PLPPR1: variants seen among roughly 807,000 people sequenced by gnomAD.
PLPPR1 encodes the protein phospholipid phosphatase-related protein type 1.
PLPPR1 carries 10 observed loss-of-function variants against 33.1 expected under a neutral mutation model. The ratio of observed to expected loss-of-function variants is 0.30; its 90% CI spans 0.19 to 0.51. PLPPR1 has a LOEUF of 0.51. Among genes scored for constraint, PLPPR1 ranks in the 20% least tolerant of loss-of-function variants. The pLI is 0.97. For missense variants in PLPPR1, 304 were observed against 408.1 expected (o/e 0.74, Z 2.20); for synonymous variants, 151 against 151.0 (o/e 1.00, Z 0.00).
rs973521664 is a variant in PLPPR1, at chr9:101,284,403, C to T, written c.253-1701C>T. 2.0e-5 allele frequency among the ~76,000 whole-genome samples: 3 copies of T among 152,178 alleles called. No individual in the cohort carries two copies. The South Asian group carries it at 6.2e-4, about 32-fold the overall frequency. On this transcript the variant is annotated intron_variant, in intron 3 of 7. Coordinates refer to ENST00000374874, the MANE Select transcript of PLPPR1 (RefSeq NM_207299.2). ...CTTCTAATTGTAGATGTGGAATCTA[C>T]AGAAGTTGATCTCACAAGAGGAATA...
chr9:101,232,759 TGAGGTC>T (rs1827217363), intron 2 of PLPPR1, among the ~76,000 whole-genome samples: 1 of 151,988 alleles, frequency 6.6e-6, no homozygotes, highest in Non-Finnish European at 1.5e-5. Flanking sequence ...GCCCTAGCTA[TGAGGTC>T]TTGGGCAAGT....
At chr9:101,190,546 G>T (rs1427850195) in intron 2 of PLPPR1, among the ~76,000 whole-genome samples, 2 of 152,096 alleles carry the variant, frequency 1.3e-5, no homozygotes, top group Non-Finnish European at 2.9e-5. Context: ...TATGAGCAGA[G>T]TTTTGACTTG....
intron 2 of PLPPR1, among the ~76,000 whole-genome samples, chr9:101,189,583 T>C: frequency 6.6e-6 from 1 of 152,112 alleles, no homozygotes; most frequent in East Asian, 1.9e-4. Flanking sequence ...ATAATATGTC[T>C]AAGTGTGAAT....
At chr9:101,124,737 C>T (rs1831223540) in intron 1 of PLPPR1, among the ~76,000 whole-genome samples, 1 of 152,146 alleles carries the variant, frequency 6.6e-6, no homozygotes, top group South Asian at 2.1e-4. Flanking sequence ...TTCGTGGGCA[C>T]CCACACAGGC....
chr9:101,153,102 A>G (rs1831616145), intron 1 of PLPPR1, among the ~76,000 whole-genome samples: 1 of 152,180 alleles, frequency 6.6e-6, no homozygotes, highest in Non-Finnish European at 1.5e-5. Context: ...TTCTCCTTGA[A>G]GAGGTCCTTC....
chr9:101,218,430 C>T (rs182177772), intron 2 of PLPPR1, among the ~76,000 whole-genome samples: 116 of 152,276 alleles, frequency 7.6e-4, no homozygotes, highest in Non-Finnish European at 1.5e-3. Flanking sequence ...CATGTGGCCA[C>T]TCCTTGTTTG....
At chr9:101,238,114 CGTGT>C (rs541452139) in intron 2 of PLPPR1, among the ~76,000 whole-genome samples, 13 of 133,248 alleles carry the variant, frequency 9.8e-5, no homozygotes, top group African/African-American at 3.0e-4. Flanking sequence ...AGCCTATATA[CGTGT>C]GTGTATATAT....
intron 2 of PLPPR1, among the ~76,000 whole-genome samples, chr9:101,266,302 C>T (rs1277343698): frequency 3.3e-5 from 5 of 150,672 alleles, no homozygotes; most frequent in Admixed American, 2.7e-4. Flanking sequence ...ATGGCATGCA[C>T]CTGTAATCCC....
chr9:101,183,376 A>C (rs897979543), intron 1 of PLPPR1, among the ~76,000 whole-genome samples: 1 of 151,808 alleles, frequency 6.6e-6, no homozygotes, highest in African/African-American at 2.4e-5. Flanking sequence ...AATCTCAAAA[A>C]TATGCTACGT....
At chr9:101,205,461 T>C (rs1826571353) in intron 2 of PLPPR1, among the ~76,000 whole-genome samples, 1 of 152,170 alleles carries the variant, frequency 6.6e-6, no homozygotes, top group Non-Finnish European at 1.5e-5. Flanking sequence ...AAATCATGAA[T>C]AAGTAATGCA....
intron 1 of PLPPR1, among the ~76,000 whole-genome samples, chr9:101,155,786 G>T (rs950371150): frequency 1.3e-5 from 2 of 152,046 alleles, no homozygotes; most frequent in Non-Finnish European, 2.9e-5. Flanking sequence ...TTTTAGTAGA[G>T]ATGGGGTTTC....
Position 101,040,799 on chromosome 9 carries a change from T to C in PLPPR1, c.-46+11697T>C, listed in dbSNP as rs780047184. ...ATTTGTGACCGGCCTCCTTCTACTA[T>C]GTAAGCATCATAAGATGAGGGACTC... On this transcript the variant is annotated intron_variant, in intron 1 of 7. Coordinates refer to ENST00000374874, the MANE Select transcript of PLPPR1 (RefSeq NM_207299.2). 3.5e-4 allele frequency among the ~76,000 whole-genome samples: 54 copies of C among 152,170 alleles called. 1 individual carries two copies. Among genetic ancestry groups the C allele is most frequent in the Non-Finnish European group, 5.9e-5 (4 of 68,018 alleles).
chr9:101,231,681 C>G (rs1019564755), intron 2 of PLPPR1, among the ~76,000 whole-genome samples: 1 of 152,020 alleles, frequency 6.6e-6, no homozygotes, highest in African/African-American at 2.4e-5. Flanking sequence ...TCACCCTTGA[C>G]AAAGATTCAT....
intron 2 of PLPPR1, among the ~76,000 whole-genome samples, chr9:101,249,498 A>G (rs1827677514): frequency 6.6e-6 from 1 of 152,108 alleles, no homozygotes; most frequent in Admixed American, 6.6e-5. Context: ...CACATCTGTC[A>G]TAATCATGGA....
At chr9:101,318,050 A>G (rs12683674) in intron 7 of PLPPR1, among the ~76,000 whole-genome samples, 62,245 of 151,946 alleles carry the variant, frequency 0.41, 14,132 homozygotes, top group African/African-American at 0.62. Context: ...ATAGATAAGG[A>G]GCAGGCATGG....
intron 1 of PLPPR1, among the ~76,000 whole-genome samples, chr9:101,099,422 AT>A (rs1830867361): frequency 6.6e-6 from 1 of 152,114 alleles, no homozygotes; most frequent in South Asian, 2.1e-4. Context: ...GTTGAGAGAA[AT>A]TAATTGTGGT....
intron 1 of PLPPR1, among the ~76,000 whole-genome samples, chr9:101,167,349 C>G (rs1825876929): frequency 6.6e-6 from 1 of 150,936 alleles, no homozygotes; most frequent in Non-Finnish European, 1.5e-5. Context: ...AGCCTCCCCA[C>G]TGCTCAGAAC....
intron 2 of PLPPR1, among the ~76,000 whole-genome samples, chr9:101,193,666 T>C (rs1052679957): frequency 3.3e-5 from 5 of 152,200 alleles, no homozygotes; most frequent in African/African-American, 9.6e-5. Flanking sequence ...TATTTTAGTA[T>C]AAAACTGGAG....
At chr9:101,286,025 T>C (rs1261113633) in intron 3 of PLPPR1, 79 bp from the exon 4 acceptor site, 13 of 1,155,370 alleles carry the variant, frequency 1.1e-5, no homozygotes, top group Non-Finnish European at 1.6e-5. Context: ...CTCAACAGTT[T>C]TGTTTTGTTT....
Sources: gnomAD v4.1 joint callset for allele counts (sites outside exome capture counted in the v4.1 genomes callset) on GRCh38, gnomAD v4.1.1 for gene constraint, MANE v1.5 for transcripts, NCBI Gene and HGNC (gene_info 2026-07-23, HGNC 2026-07-21) for gene names.